Variants in ZFP42 observed in about 807,000 individuals in gnomAD.
ZFP42 encodes the protein ZFP42 zinc finger protein, also known as zinc finger protein 42 homolog.
For missense variants in ZFP42, 438 were observed against 377.1 expected, an observed-to-expected ratio of 1.16 and a Z score of -1.34; for synonymous variants, 175 against 144.6, an observed-to-expected ratio of 1.21 and a Z score of -1.51.
At chr4:187,998,249 T>C (rs955664454) in intron 1 of ZFP42, among the ~76,000 whole-genome samples, 2 of 151,984 alleles carry the variant, frequency 1.3e-5, no homozygotes, top group Non-Finnish European at 2.9e-5. Context: ...CGCGGGAGAA[T>C]CGGCTGAACC....
chr4:187,996,193 G>C (rs1733554265), intron 1 of ZFP42, among the ~76,000 whole-genome samples: 1 of 152,146 alleles, frequency 6.6e-6, no homozygotes, highest in Admixed American at 6.6e-5. Context: ...ATATTAACAT[G>C]CTTACATTGT....
In ZFP42 at chr4:188,003,350, A is replaced by G. The variant is rs371471810; in HGVS notation, c.543A>G (p.Glu181=). 6.8e-6 allele frequency: 11 copies of G among 1,613,962 alleles called. No homozygotes were observed. The highest frequency in any genetic ancestry group is 9.3e-6 in the Non-Finnish European group (11 of 1,180,032). The change falls in exon 4 of 4, where the codon GAA becomes GAG. Residue 181 remains glutamate (E), a synonymous_variant. Transcript: ENST00000326866. ...FARKKPPINK[E]YDSLSAIACP... ...GAAAGAAGCCCCCCATAAATAAAGA[A>G]TATGACAGTCTGAGCGCAATCGCTT...
chr4:187,997,286 T>C (rs1410506534), intron 1 of ZFP42, among the ~76,000 whole-genome samples: 5 of 142,034 alleles, frequency 3.5e-5, no homozygotes, highest in South Asian at 2.4e-4. Context: ...TGGGCTGGAG[T>C]GCAGTGGCAC....
In ZFP42 at chr4:188,003,217, G is replaced by T; in HGVS notation, c.410G>T (p.Gly137Val). ...AAAGAGCTTCCACAAAAGATAGTTGGAGAGAATTCGCTTGAGTATTCTGAG... is the reference window on the plus strand; with the variant it reads ...AAAGAGCTTCCACAAAAGATAGTTGTAGAGAATTCGCTTGAGTATTCTGAG... ...VKKELPQKIV[G>V]ENSLEYSEYM... The change falls in exon 4 of 4, where the codon GGA (glycine) becomes GTA (valine). Residue 137 changes from glycine to valine, a missense_variant. By Grantham distance (109) the Gly-to-Val change is moderately radical. Transcript: ENST00000326866. 1 of 1,613,966 alleles carries T rather than the reference G, an allele frequency of 6.2e-7. No individual in the cohort carries two copies. Among genetic ancestry groups the T allele is most frequent in the South Asian group, 1.1e-5 (1 of 91,080 alleles).
chr4:188,002,354 C>T (rs1733857639), intron 3 of ZFP42, among the ~76,000 whole-genome samples: 1 of 152,196 alleles, frequency 6.6e-6, no homozygotes, highest in Non-Finnish European at 1.5e-5. Context: ...CACCTTCTAA[C>T]GTGGCATACA....
rs1733872339 is a variant in ZFP42 at position 188,002,628 on chromosome 4, A to T, written c.-95-85A>T. On this transcript the variant is annotated intron_variant, in intron 3 of 3. Coordinates refer to ENST00000326866, the MANE Select transcript of ZFP42 (RefSeq NM_174900.5). ...GTTTATCAGAGAAGACAAATGTATT[A>T]TTGGAAAATGTGTCTTAGGTCATTT... 4 of 609,078 alleles carry T rather than the reference A, an allele frequency of 6.6e-6. No homozygotes were observed. In the African/African-American group the frequency reaches 7.4e-5, roughly 11 times the overall value. The allele number at this position is 609,078 out of a possible 1,614,324, so 37.7% of individuals were successfully genotyped here. A position where few individuals can be genotyped will look rare whatever the true frequency, so the allele number is the denominator to read the frequency against.
intron 3 of ZFP42, among the ~76,000 whole-genome samples, chr4:188,002,003 C>G (rs556546211): frequency 6.6e-6 from 1 of 152,076 alleles, no homozygotes; most frequent in African/African-American, 2.4e-5. Context: ...ATGGTGAAAC[C>G]CCATTTCTAC....
rs1733949802 is a variant in ZFP42, at chr4:188,003,800, GATT to G, written c.*64_*66del. The G allele has an allele frequency of 2.7e-6, 4 of 1,483,870 alleles. No individual in the cohort carries two copies. Among genetic ancestry groups the G allele is most frequent in the African/African-American group, 1.4e-5 (1 of 71,238 alleles). 91.9% of individuals were successfully genotyped at this position (1,483,870 alleles called of 1,614,324 possible). A position where few individuals can be genotyped will look rare whatever the true frequency, so the allele number is the denominator to read the frequency against. ...TGATCAGTGACAAACATGCCTCATT[GATT>G]ATTGTTTCTAGGAAGGAATTTCTAA... On this transcript the variant is annotated 3_prime_UTR_variant, in exon 4 of 4. Coordinates refer to ENST00000326866, the MANE Select transcript of ZFP42 (RefSeq NM_174900.5).
At chr4:187,997,024 GA>G (rs1733612019) in intron 1 of ZFP42, among the ~76,000 whole-genome samples, 1 of 60,102 alleles carries the variant, frequency 1.7e-5, no homozygotes, top group Non-Finnish European at 3.2e-5. Flanking sequence ...GTGGAGCATG[GA>G]GCATGGAGCG....
In ZFP42 at chr4:188,003,221, G is replaced by A. The variant is rs1733909835; in HGVS notation, c.414G>A (p.Glu138=). The change falls in exon 4 of 4, where the codon GAG becomes GAA. Residue 138 remains glutamate (E), a synonymous_variant. Transcript: ENST00000326866. ...KKELPQKIVG[E]NSLEYSEYMT... is the part of the protein sequence containing the mutation. ...AGCTTCCACAAAAGATAGTTGGAGA[G>A]AATTCGCTTGAGTATTCTGAGTACA... 3 of 1,614,038 alleles carry A rather than the reference G, an allele frequency of 1.9e-6. No homozygotes were observed. Among genetic ancestry groups the A allele is most frequent in the Non-Finnish European group, 2.5e-6 (3 of 1,180,032 alleles).
chr4:188,002,645 A>T, intron 3 of ZFP42, 68 bp from the exon 4 acceptor site: 1 of 636,670 alleles, frequency 1.6e-6, no homozygotes, highest in Non-Finnish European at 2.8e-6. Context: ...AATGTGTCTT[A>T]GGTCATTTTT....
rs1230079288 is a variant in ZFP42 at position 188,002,960 on chromosome 4, T to C, written c.153T>C (p.Asp51=). 4 of 1,613,982 alleles carry C rather than the reference T, an allele frequency of 2.5e-6. No individual in the cohort carries two copies. Among genetic ancestry groups the C allele is most frequent in the East Asian group, 2.2e-5 (1 of 44,844 alleles). Residue 51 remains aspartate, a synonymous_variant, in exon 4 of 4, where the codon GAT becomes GAC. Coordinates refer to ENST00000326866, the MANE Select transcript of ZFP42 (RefSeq NM_174900.5). ...TCAGCGCGGTGTGGGCCTTATGTGA[T>C]GGCTATGTGTGCTATGAGCCTGGCC... The part of the protein sequence containing the change: ...EPVSAVWALC[D]GYVCYEPGPQ...
intron 1 of ZFP42, among the ~76,000 whole-genome samples, chr4:187,996,875 T>C (rs1445126253): frequency 6.6e-6 from 1 of 152,178 alleles, no homozygotes; most frequent in African/African-American, 2.4e-5. Flanking sequence ...TTGGAAGCCC[T>C]GTAATGGTTT....
In ZFP42 at chr4:188,003,716, C is replaced by A; in HGVS notation, c.909C>A (p.Asn303Lys). The A allele has an allele frequency of 6.2e-7, 1 of 1,611,192 alleles. No homozygotes were observed. Among genetic ancestry groups the A allele is most frequent in the South Asian group, 1.1e-5 (1 of 91,004 alleles). ...KAHILTHANT[N>K]KNEQEGK ...ACATCCTAACGCATGCAAATACGAA[C>A]AAGAATGAACAAGAGGGAAAGTAGT... The change falls in exon 4 of 4, where the codon AAC becomes AAA. Residue 303 changes from asparagine to lysine, a missense_variant. Asn to Lys is a moderately conservative substitution (Grantham distance 94, BLOSUM62 0). Transcript: ENST00000326866.
Position 188,004,795 on chromosome 4 carries a change from G to T in ZFP42, c.*1055G>T, listed in dbSNP as rs1393119137. Reference sequence around the variant, plus strand: ...AGCAAGAGCCCATCTTTTAAAAAAAGTAAAAATTAAAAATATACTTCATGG... The same window carrying T: ...AGCAAGAGCCCATCTTTTAAAAAAATTAAAAATTAAAAATATACTTCATGG... On this transcript the variant is annotated 3_prime_UTR_variant, in exon 4 of 4. Transcript: ENST00000326866. 1.2e-5 allele frequency: 2 copies of T among 167,050 alleles called. No individual in the cohort carries two copies. The highest frequency in any genetic ancestry group is 6.5e-5 in the Admixed American group (1 of 15,268). The allele number at this position is 167,050 out of a possible 1,614,324, so 10.3% of individuals were successfully genotyped here.
chr4:187,997,163 C>T (rs1733622971), intron 1 of ZFP42, among the ~76,000 whole-genome samples: 2 of 151,004 alleles, frequency 1.3e-5, no homozygotes, highest in South Asian at 4.2e-4. Context: ...TGGCCCCCTC[C>T]TTGGGGGCCT....
At chr4:188,005,223 G>A (rs192889318), downstream of ZFP42, among the ~76,000 whole-genome samples, 3 of 152,308 alleles carry the variant, frequency 2.0e-5, no homozygotes, top group Admixed American at 1.3e-4. Flanking sequence ...AGCCAGTTTG[G>A]AAATAAATTT....
At position 188,003,696 on chromosome 4, in the gene ZFP42, C is replaced by G. The variant is rs527736730; in HGVS notation, c.889C>G (p.Leu297Val). ...IQSNNLKAHI[L>V]THANTNKNEQ... ...GTCAAATAACCTGAAAGCCCACATC[C>G]TAACGCATGCAAATACGAACAAGAA... Residue 297 changes from leucine to valine, a missense_variant, in exon 4 of 4, where the codon CTA becomes GTA. Coordinates refer to ENST00000326866, the MANE Select transcript of ZFP42 (RefSeq NM_174900.5). The G allele has an allele frequency of 6.2e-7, 1 of 1,613,610 alleles. No individual in the cohort carries two copies. The highest frequency in any genetic ancestry group is 2.2e-5 in the East Asian group (1 of 44,864).
intron 1 of ZFP42, among the ~76,000 whole-genome samples, chr4:187,997,968 G>A (rs1389241850): frequency 6.6e-6 from 1 of 152,144 alleles, no homozygotes; most frequent in African/African-American, 2.4e-5. Context: ...TTTTGTACAG[G>A]TGAAAAAATG....
Sources: allele counts gnomAD v4.1 joint callset (sites outside exome capture counted in the v4.1 genomes callset), GRCh38; gene constraint gnomAD v4.1.1; transcripts MANE v1.5; gene names NCBI Gene and HGNC (gene_info 2026-07-23, HGNC 2026-07-21).